CD84: variants seen among roughly 807,000 people sequenced by gnomAD.
CD84 encodes the protein CD84 molecule.
A neutral mutation model predicts 33.8 loss-of-function variants in CD84; 22 were observed. That is an observed-to-expected ratio of 0.65 (90% CI 0.46 to 0.93). The LOEUF (loss-of-function observed/expected upper bound fraction) is 0.93, where lower values mean the gene tolerates loss of function less well. Ranked by LOEUF, CD84 falls within the 40% of genes least tolerant of loss-of-function variation. The pLI, the probability that CD84 is intolerant of heterozygous loss-of-function variation, is 0.00. For missense variants in CD84, 400 were observed against 397.6 expected (o/e 1.01, Z -0.05); for synonymous variants, 154 against 145.2 (o/e 1.06, Z -0.44).
At chr1:160,555,191 C>T (rs1656521755) in intron 2 of CD84, among the ~76,000 whole-genome samples, 1 of 151,804 alleles carries the variant, frequency 6.6e-6, no homozygotes, top group African/African-American at 2.4e-5. Context: ...AGCCATTCTC[C>T]TGCCTCAGCC....
chr1:160,565,598 G>A lies in CD84; in HGVS notation c.194C>T (p.Pro65Leu). 3 of 1,613,858 alleles carry A rather than the reference G, an allele frequency of 1.9e-6. No individual in the cohort carries two copies. The highest frequency in any genetic ancestry group is 1.1e-5 in the South Asian group (1 of 91,076). Residue 65 changes from proline (P) to leucine (L), a missense_variant, in exon 2 of 7, where the codon CCA becomes CTA. Coordinates refer to ENST00000368054, the MANE Select transcript of CD84 (RefSeq NM_003874.4). ...TSKTSVAYVT[P>L]GDSETAPVVT... is the part of the protein sequence containing the mutation. The stretch of plus-strand genomic sequence containing the variant: ...TACGGGTGCTGTTTCTGAGTCTCCT[G>A]GTGTTACATAAGCAACAGATGTTTT...
intron 1 of CD84, among the ~76,000 whole-genome samples, chr1:160,573,800 A>G (rs1164332962): frequency 6.6e-6 from 1 of 152,210 alleles, no homozygotes; most frequent in East Asian, 1.9e-4. Context: ...TGCAATTATC[A>G]AGAATGTGAG....
chr1:160,552,252 A>G (rs1263638480), intron 4 of CD84, among the ~76,000 whole-genome samples: 1 of 152,158 alleles, frequency 6.6e-6, no homozygotes, highest in Non-Finnish European at 1.5e-5. Flanking sequence ...TGAAGACAAT[A>G]TCTCTTTGAG....
At chr1:160,571,342 A>G (rs2102200049) in intron 1 of CD84, 1 of 152,248 alleles carries the variant, frequency 6.6e-6, no homozygotes. Flanking sequence ...AGAGTGCAAG[A>G]GAGGCACCAA....
intron 1 of CD84, among the ~76,000 whole-genome samples, chr1:160,572,152 C>G (rs886782528): frequency 2.6e-5 from 4 of 152,170 alleles, no homozygotes; most frequent in African/African-American, 7.2e-5. Context: ...TGCTGAGGCC[C>G]TGATCTTACT....
In CD84 at chr1:160,553,670, CAG is replaced by C. The variant is rs577337897; in HGVS notation, c.641-175_641-174del. ...TAAAAGCCAGGATGAGAAATTGAAT[CAG>C]AGAGTTGATCAGGGGCTGCCACAGA... On this transcript the variant is annotated intron_variant, in intron 3 of 6. Transcript: ENST00000368054. The C allele has an allele frequency of 3.3e-4, 320 of 971,284 alleles. No individual in the cohort carries two copies. In the African/African-American group the frequency reaches 4.8e-3, roughly 14 times the overall value. The allele number at this position is 971,284 out of a possible 1,614,324, so 60.2% of individuals were successfully genotyped here.
At chr1:160,569,411 C>T (rs1170867100) in intron 1 of CD84, among the ~76,000 whole-genome samples, 1 of 152,018 alleles carries the variant, frequency 6.6e-6, no homozygotes, top group Non-Finnish European at 1.5e-5. Flanking sequence ...ACTTGTGGCA[C>T]AAAAACATCT....
chr1:160,565,963 C>T (rs776586786), intron 1 of CD84, among the ~76,000 whole-genome samples: 16 of 151,698 alleles, frequency 1.1e-4, no homozygotes, highest in Non-Finnish European at 2.2e-4. Flanking sequence ...AACTAAGTTT[C>T]TCACTAGAGA....
At position 160,552,835 on chromosome 1, in the gene CD84, T is replaced by C. The variant is rs112718395; in HGVS notation, c.760+543A>G. ...GGAAAAGGAAGTTCTTGGGTGGACA[T>C]GGGATGTGGGTGAATCGGAGGGTAT... On this transcript the variant is annotated intron_variant, in intron 4 of 6. Coordinates refer to ENST00000368054, the MANE Select transcript of CD84 (RefSeq NM_003874.4). 2,278 of 852,652 alleles carry C rather than the reference T, an allele frequency of 2.7e-3. 37 individuals are homozygous for C. The African/African-American group carries it at 0.034, about 13-fold the overall frequency. 52.8% of individuals were successfully genotyped at this position (852,652 alleles called of 1,614,324 possible).
intron 4 of CD84, chr1:160,553,155 GGCCCACCA>G: frequency 4.2e-6 from 3 of 709,766 alleles, no homozygotes; most frequent in Non-Finnish European, 7.4e-6. Flanking sequence ...CCATGTTCTG[GGCCCACCA>G]GCTACTGGTG....
chr1:160,572,254 T>C (rs568966852), intron 1 of CD84, among the ~76,000 whole-genome samples: 3 of 152,278 alleles, frequency 2.0e-5, no homozygotes, highest in African/African-American at 7.2e-5. Context: ...CATTTTGGAA[T>C]AGATAGGATA....
rs1655592059 is a variant in CD84, at chr1:160,542,471, T to C, written c.*5785A>G. 6.6e-6 allele frequency: 1 copy of C among 152,224 alleles called. No homozygotes were observed. The highest frequency in any genetic ancestry group is 1.5e-5 in the Non-Finnish European group (1 of 68,046). The allele number at this position is 152,224 out of a possible 1,614,324, so 9.4% of individuals were successfully genotyped here. On this transcript the variant is annotated 3_prime_UTR_variant, in exon 7 of 7. Coordinates refer to ENST00000368054, the MANE Select transcript of CD84 (RefSeq NM_003874.4). ...GTGACTTCTGACATCTATGCAGAGA[T>C]GACCCATAAACTATTGGAAATACAA... is the stretch of plus-strand genomic sequence containing the variant.
intron 5 of CD84, chr1:160,550,634 G>T (rs888312142): frequency 4.1e-6 from 4 of 985,352 alleles, no homozygotes; most frequent in Non-Finnish European, 4.8e-6. Flanking sequence ...CTCCTCTGTT[G>T]TGTGGCCCCT....
rs771299867 is a variant in CD84 at position 160,553,380 on chromosome 1, TG to T, written c.757del (p.Gln253LysfsTer43). The T allele has an allele frequency of 6.2e-7, 1 of 1,614,142 alleles. No homozygotes were observed. The highest frequency in any genetic ancestry group is 2.2e-5 in the East Asian group (1 of 44,874). The stretch of plus-strand genomic sequence containing the variant: ...TTTACCTTCTGGGAAAATCCTACCT[TG>T]TCTTCTCTTGAACAAACGGAACAAA... ...VFLFRLFKRRQDAASKKTIYT... is the reference protein window; with the variant it reads ...VFLFRLFKRRXDAASKKTIYT... On this transcript the variant is annotated frameshift_variant, in exon 4 of 7. Coordinates refer to ENST00000368054, the MANE Select transcript of CD84 (RefSeq NM_003874.4). LOFTEE classifies it high-confidence loss of function.
rs139298884 is a variant in CD84 at position 160,554,036 on chromosome 1, T to G, written c.499A>C (p.Asn167His). Residue 167 changes from asparagine to histidine, a missense_variant, in exon 3 of 7, where the codon AAT (asparagine) becomes CAT (histidine). Transcript: ENST00000368054. ...CCCTCTTCTCCCAGGGGACTCCAAT[T>G]GTATGTCACATTCTTTTCTTCTTTC... ...VEKEEKNVTY[N>H]WSPLGEEGNV... 1.2e-6 allele frequency: 2 copies of G among 1,614,100 alleles called. No homozygotes were observed. Among genetic ancestry groups the G allele is most frequent in the African/African-American group, 2.7e-5 (2 of 74,924 alleles).
At chr1:160,550,770 A>T (rs545636152) in intron 5 of CD84, 168 bp downstream of exon 5, 2 of 985,332 alleles carry the variant, frequency 2.0e-6, no homozygotes, top group East Asian at 2.3e-4. Flanking sequence ...CTGTCCTCAT[A>T]GAAAGATCCG....
At chr1:160,570,704 G>T (rs1020940297) in intron 1 of CD84, among the ~76,000 whole-genome samples, 2 of 151,922 alleles carry the variant, frequency 1.3e-5, no homozygotes, top group Non-Finnish European at 2.9e-5. Flanking sequence ...CTACAAAAAA[G>T]TACAAAATAT....
chr1:160,554,790 A>G (rs1301610707), intron 2 of CD84, among the ~76,000 whole-genome samples: 2 of 152,208 alleles, frequency 1.3e-5, no homozygotes, highest in Non-Finnish European at 2.9e-5. Context: ...CTCATACATC[A>G]ATTACAACTA....
rs151153787 is a variant in CD84 at position 160,544,787 on chromosome 1, C to T, written c.*3469G>A. The T allele has an allele frequency of 6.6e-6, 1 of 152,278 alleles. No individual in the cohort carries two copies. Among genetic ancestry groups the T allele is most frequent in the African/African-American group, 2.4e-5 (1 of 41,532 alleles). 9.4% of individuals were successfully genotyped at this position (152,278 alleles called of 1,614,324 possible). ...CTAAGAATCATGAGCTGCAACATTC[C>T]TCATTTTCTCAGTTGAGTCCCTCAG... On this transcript the variant is annotated 3_prime_UTR_variant, in exon 7 of 7. Coordinates refer to ENST00000368054, the MANE Select transcript of CD84 (RefSeq NM_003874.4).
Sources: allele counts gnomAD v4.1 joint callset (sites outside exome capture counted in the v4.1 genomes callset), GRCh38; gene constraint gnomAD v4.1.1; transcripts MANE v1.5; gene names NCBI Gene and HGNC (gene_info 2026-07-23, HGNC 2026-07-21).